Variants in ZNF729 observed in about 807,000 individuals in gnomAD.
ZNF729 encodes the protein zinc finger protein 729.
ZNF729 carries 15 observed loss-of-function variants against 12.2 expected under a neutral mutation model. That is an observed-to-expected ratio of 1.23 (90% confidence interval 0.82 to 1.89). The LOEUF is 1.89. Among genes scored for constraint, ZNF729 ranks in the 40% most tolerant of loss-of-function variants. The probability of loss-of-function intolerance (pLI) is 0.00; values close to 1 mark genes in which losing one functional copy is unlikely to be tolerated. For missense variants in ZNF729, 1,540 were observed against 1,456.7 expected (o/e 1.06, Z -0.93); for synonymous variants, 492 against 476.3 (o/e 1.03, Z -0.43).
chr19:22,302,692 G>C (rs1202290989), intron 1 of ZNF729, among the ~76,000 whole-genome samples: 2 of 152,296 alleles, frequency 1.3e-5, no homozygotes, highest in East Asian at 3.8e-4. Flanking sequence ...TTCTACATAG[G>C]GTCCACTCCC....
intron 1 of ZNF729, among the ~76,000 whole-genome samples, chr19:22,301,950 C>G (rs1460638850): frequency 6.6e-6 from 1 of 152,310 alleles, no homozygotes; most frequent in East Asian, 1.9e-4. Context: ...GTCTCTTCTG[C>G]CTGGCTCATC....
At chr19:22,312,839 T>G (rs1292985601) in intron 3 of ZNF729, among the ~76,000 whole-genome samples, 1 of 152,048 alleles carries the variant, frequency 6.6e-6, no homozygotes, top group Non-Finnish European at 1.5e-5. Context: ...TCAACCTCCC[T>G]AGTAGCTGGG....
intron 1 of ZNF729, among the ~76,000 whole-genome samples, chr19:22,288,875 A>T (rs1442646016): frequency 1.4e-5 from 2 of 142,722 alleles, no homozygotes; most frequent in African/African-American, 5.7e-5. Context: ...ATCCCAAAAG[A>T]AAAAAAAACA....
intron 3 of ZNF729, among the ~76,000 whole-genome samples, chr19:22,309,951 T>TA (rs567672748): frequency 2.0e-3 from 298 of 151,642 alleles, no homozygotes; most frequent in Non-Finnish European, 3.2e-3. Flanking sequence ...TCCTAAGTTT[T>TA]TGGGGTTTTT....
chr19:22,292,359 T>C lies in ZNF729; in HGVS notation c.30+5804T>C, dbSNP rs1435125301. Among the ~76,000 whole-genome samples, 3 of 152,316 alleles carry C rather than the reference T, an allele frequency of 2.0e-5. No individual in the cohort carries two copies. The East Asian group carries it at 5.8e-4, about 29-fold the overall frequency. ...CCAGCTCCATCCATGTTGCTGCAAA[T>C]GACATAATCTTGTTCACTTTTTATG... On this transcript the variant is annotated intron_variant, in intron 1 of 3. Coordinates refer to ENST00000601693, the MANE Select transcript of ZNF729 (RefSeq NM_001242680.2).
chr19:22,293,468 G>T (rs1332843733), intron 1 of ZNF729, among the ~76,000 whole-genome samples: 1 of 140,438 alleles, frequency 7.1e-6, no homozygotes, highest in Non-Finnish European at 1.5e-5. Flanking sequence ...TTACAGGCGT[G>T]AGCCACCACT....
intron 1 of ZNF729, among the ~76,000 whole-genome samples, chr19:22,293,561 C>T (rs1438925350): frequency 1.2e-4 from 16 of 129,320 alleles, no homozygotes; most frequent in African/African-American, 4.2e-4. Flanking sequence ...GGTGTGATCT[C>T]GGCTCACTGC....
intron 3 of ZNF729, among the ~76,000 whole-genome samples, chr19:22,307,064 T>C (rs1968386974): frequency 6.6e-6 from 1 of 151,934 alleles, no homozygotes; most frequent in African/African-American, 2.4e-5. Flanking sequence ...TTAGCATTTC[T>C]TTTTTCTATA....
rs779475237 is a variant in ZNF729 at position 22,315,902 on chromosome 19, T to C, written c.2485T>C (p.Cys829Arg). The C allele has an allele frequency of 5.0e-6, 8 of 1,611,210 alleles. No homozygotes were observed. Among genetic ancestry groups the C allele is most frequent in the Non-Finnish European group, 6.8e-6 (8 of 1,179,656 alleles). Residue 829 changes from cysteine (C) to arginine (R), a missense_variant, in exon 4 of 4, where the codon TGT becomes CGT. Cys to Arg is a radical substitution (Grantham distance 180). Transcript: ENST00000601693. ...AGAGAAACCCTGCAAATGTGAAGAA[T>C]GTGGCAAAGCTTTTAAGCATTTCTC... is the stretch of plus-strand genomic sequence containing the variant. ...TGEKPCKCEE[C>R]GKAFKHFSAL...
intron 1 of ZNF729, among the ~76,000 whole-genome samples, chr19:22,288,089 T>C (rs113443194): frequency 0.025 from 3,802 of 152,146 alleles, 153 homozygotes; most frequent in African/African-American, 0.087. Flanking sequence ...TGTGATCTGC[T>C]CGCCTCAGCT....
chr19:22,308,194 T>G (rs1407063069), intron 3 of ZNF729, among the ~76,000 whole-genome samples: 1 of 152,202 alleles, frequency 6.6e-6, no homozygotes, highest in Non-Finnish European at 1.5e-5. Context: ...ATGCCATTAA[T>G]TTATTCCATT....
chr19:22,315,214 G>T lies in ZNF729; in HGVS notation c.1797G>T (p.Leu599Phe), dbSNP rs1222413729. 8 of 1,606,752 alleles carry T rather than the reference G, an allele frequency of 5.0e-6. No individual in the cohort carries two copies. The highest frequency in any genetic ancestry group is 6.8e-6 in the Non-Finnish European group (8 of 1,177,568). ...AGGTAATTCATACTAGGGAGAAATT[G>T]TACAAATGTGAAGAATGTGGCAAAG... is the stretch of plus-strand genomic sequence containing the variant. ...KHKVIHTREKLYKCEECGKAF... is the reference protein window; with the variant it reads ...KHKVIHTREKFYKCEECGKAF... Residue 599 changes from leucine to phenylalanine, a missense_variant, in exon 4 of 4, where the codon TTG becomes TTT. Coordinates refer to ENST00000601693, the MANE Select transcript of ZNF729 (RefSeq NM_001242680.2).
chr19:22,304,622 TC>T, intron 2 of ZNF729, 65 bp from the exon 3 acceptor site: 1 of 1,335,688 alleles, frequency 7.5e-7, no homozygotes. Flanking sequence ...TATTACATTC[TC>T]TTTAATGAGC....
intron 1 of ZNF729, among the ~76,000 whole-genome samples, chr19:22,298,292 T>G (rs1968258423): frequency 6.6e-6 from 1 of 151,908 alleles, no homozygotes; most frequent in African/African-American, 2.4e-5. Context: ...TTGAAACATA[T>G]AAAGTATATA....
At position 22,316,993 on chromosome 19, in the gene ZNF729, A is replaced by G. The variant is rs1454264815; in HGVS notation, c.3576A>G (p.Glu1192=). ...HTGEKPYKCE[E]CGKAFIQCSY... ...GAGAGAAACCCTACAAATGTGAAGA[A>G]TGTGGCAAAGCTTTTATTCAGTGCT... The change falls in exon 4 of 4, where the codon GAA becomes GAG. Residue 1192 remains glutamate, a synonymous_variant. Coordinates refer to ENST00000601693, the MANE Select transcript of ZNF729 (RefSeq NM_001242680.2). 1 of 1,612,706 alleles carries G rather than the reference A, an allele frequency of 6.2e-7. No homozygotes were observed.
Position 22,315,098 on chromosome 19 carries a change from G to A in ZNF729, c.1681G>A (p.Val561Ile), listed in dbSNP as rs1454420977. ...KAFKWSSKLT[V>I]HKVIHTGEKP... ...TTTTAAGTGGTCATCAAAACTTACT[G>A]TACATAAGGTAATTCATACTGGAGA... is the stretch of plus-strand genomic sequence containing the variant. Residue 561 changes from valine (V) to isoleucine (I), a missense_variant, in exon 4 of 4, where the codon GTA becomes ATA. Transcript: ENST00000601693. 2.5e-6 allele frequency: 4 copies of A among 1,604,868 alleles called. No individual in the cohort carries two copies. In the African/African-American group the frequency reaches 4.1e-5, roughly 17 times the overall value.
At chr19:22,290,507 A>G (rs762764939) in intron 1 of ZNF729, among the ~76,000 whole-genome samples, 2 of 152,170 alleles carry the variant, frequency 1.3e-5, no homozygotes, top group Non-Finnish European at 2.9e-5. Flanking sequence ...GGAAGAGCAA[A>G]CAGTATTAGG....
chr19:22,307,808 T>G (rs1472014571), intron 3 of ZNF729, among the ~76,000 whole-genome samples: 15 of 147,144 alleles, frequency 1.0e-4, no homozygotes, highest in African/African-American at 2.5e-4. Flanking sequence ...GTGTTTTTTT[T>G]TTTTTTTTTT....
At chr19:22,289,338 G>T (rs1245310193) in intron 1 of ZNF729, among the ~76,000 whole-genome samples, 1 of 149,630 alleles carries the variant, frequency 6.7e-6, no homozygotes, top group African/African-American at 2.5e-5. Flanking sequence ...TGATTCTTCT[G>T]CCTCAGCCTC....
Sources: gnomAD v4.1 joint callset for allele counts (sites outside exome capture counted in the v4.1 genomes callset) on GRCh38, gnomAD v4.1.1 for gene constraint, MANE v1.5 for transcripts, NCBI Gene and HGNC (gene_info 2026-07-23, HGNC 2026-07-21) for gene names.